The following LRRK2 variants were observed in gnomAD, a reference collection of about 807,000 sequenced individuals.
LRRK2 encodes the protein leucine-rich repeat serine/threonine-protein kinase 2.
In LRRK2, 203 loss-of-function variants were observed where a neutral mutation model predicts 302.6. That is an observed-to-expected ratio of 0.67 (90% CI 0.60 to 0.75). The LOEUF (loss-of-function observed/expected upper bound fraction) is 0.75. Among genes scored for constraint, LRRK2 ranks in the 30% least tolerant of loss-of-function variants. LRRK2 has a pLI of 0.00. For missense variants in LRRK2, 2,830 were observed against 2,951.0 expected, an observed-to-expected ratio of 0.96 and a Z score of 0.95; for synonymous variants, 1,066 against 1,031.9, an observed-to-expected ratio of 1.03 and a Z score of -0.63.
chr12:40,238,899 A>G lies in LRRK2; in HGVS notation c.571+796A>G, dbSNP rs540066970. On this transcript the variant is annotated intron_variant, in intron 5 of 50. Transcript: ENST00000298910. The stretch of plus-strand genomic sequence containing the variant: ...GATTTTAAACAGCTTATAGATAATT[A>G]TAATACACAAGAGTAAACAAAATGG... 2.0e-5 allele frequency among the ~76,000 whole-genome samples: 3 copies of G among 152,334 alleles called. No homozygotes were observed. The East Asian group carries it at 5.8e-4, about 29-fold the overall frequency.
intron 27 of LRRK2, chr12:40,304,869 A>C (rs530576217): frequency 6.6e-6 from 1 of 152,212 alleles, no homozygotes; most frequent in East Asian, 1.9e-4. Context: ...CTTTTAAAGG[A>C]TTATATGAAT....
intron 3 of LRRK2, 50 bp downstream of exon 3, chr12:40,232,433 C>T (rs1941245620): frequency 1.6e-6 from 2 of 1,262,722 alleles, no homozygotes; most frequent in East Asian, 4.6e-5. Context: ...TTTATTTGTA[C>T]ACATGACAAC....
At position 40,351,629 on chromosome 12, in the gene LRRK2, A is replaced by G. The variant is rs779616135; in HGVS notation, c.6472A>G (p.Thr2158Ala). The G allele has an allele frequency of 1.8e-5, 29 of 1,614,226 alleles. No individual in the cohort carries two copies. The highest frequency in any genetic ancestry group is 2.3e-5 in the Non-Finnish European group (27 of 1,180,036). Reference protein sequence around the residue: ...KNVIVECMVATHHNSRNASIW... With the variant: ...KNVIVECMVAAHHNSRNASIW... Reference sequence around the variant, plus strand: ...CGTAATTGTTGAATGCATGGTTGCTACACATCACAACAGCAGGAATGCAAG... The same window carrying G: ...CGTAATTGTTGAATGCATGGTTGCTGCACATCACAACAGCAGGAATGCAAG... The change falls in exon 44 of 51, where the codon ACA (threonine) becomes GCA (alanine). Residue 2158 changes from threonine (T) to alanine (A), a missense_variant. By Grantham distance (58) the Thr-to-Ala change is moderately conservative. This residue lies in a region of LRRK2 where 456 missense variants were observed against 456.3 expected (regional missense o/e 1.00). Coordinates refer to ENST00000298910, the MANE Select transcript of LRRK2 (RefSeq NM_198578.4).
At chr12:40,357,391 C>T (rs1946571693) in intron 46 of LRRK2, among the ~76,000 whole-genome samples, 1 of 152,006 alleles carries the variant, frequency 6.6e-6, no homozygotes, top group African/African-American at 2.4e-5. Context: ...GTGAATAGTG[C>T]TGCGATAAAC....
At chr12:40,331,933 A>C (rs1362231891) in intron 39 of LRRK2, among the ~76,000 whole-genome samples, 1 of 152,174 alleles carries the variant, frequency 6.6e-6, no homozygotes, top group Non-Finnish European at 1.5e-5. Flanking sequence ...CATTGTGATA[A>C]ACTGGTTCCA....
rs200357353 is a variant in LRRK2, at chr12:40,252,985, G to T, written c.1257G>T (p.Ala419=). Residue 419 remains alanine, a synonymous_variant, in exon 11 of 51, where the codon GCG becomes GCT. Coordinates refer to ENST00000298910, the MANE Select transcript of LRRK2 (RefSeq NM_198578.4). ...SSSKEVFQAS[A]NALSTLLEQN... ...CAAAGGAAGTTTTCCAGGCATCTGC[G>T]AATGCATTGTCAACTCTCTTAGAAC... The T allele has an allele frequency of 2.5e-6, 4 of 1,612,840 alleles. No individual in the cohort carries two copies. In the East Asian group the frequency reaches 6.7e-5, roughly 27 times the overall value.
At chr12:40,238,190 A>C (rs1941558876) in intron 5 of LRRK2, 87 bp downstream of exon 5, 8 of 1,346,488 alleles carry the variant, frequency 5.9e-6, no homozygotes, top group Non-Finnish European at 8.2e-6. Context: ...TAATAAGAAG[A>C]AGGTTTCTAA....
chr12:40,358,288 A>G (rs114335196), intron 46 of LRRK2, among the ~76,000 whole-genome samples: 1,778 of 152,120 alleles, frequency 0.012, 36 homozygotes, highest in African/African-American at 0.041. Context: ...TGGGATCTTA[A>G]CCATAAACTC....
At chr12:40,359,844 A>T (rs1946653032) in intron 47 of LRRK2, among the ~76,000 whole-genome samples, 2 of 152,198 alleles carry the variant, frequency 1.3e-5, no homozygotes, top group Admixed American at 1.3e-4. Context: ...GATTGTAGGA[A>T]AGATAGACAG....
In LRRK2 at chr12:40,350,548, T is replaced by C. The variant is rs934376220; in HGVS notation, c.6382-991T>C. 2.0e-5 allele frequency among the ~76,000 whole-genome samples: 3 copies of C among 152,244 alleles called. No homozygotes were observed. The East Asian group carries it at 5.8e-4, about 29-fold the overall frequency. ...TTGTCATGTTTTACACTGATACACA[T>C]TTTAATAAATGTGGGTTATCTTTAT... is the stretch of plus-strand genomic sequence containing the variant. On this transcript the variant is annotated intron_variant, in intron 43 of 50. Transcript: ENST00000298910.
chr12:40,329,738 T>TA (rs1027141799), intron 39 of LRRK2, among the ~76,000 whole-genome samples: 15 of 151,792 alleles, frequency 9.9e-5, no homozygotes, highest in East Asian at 5.8e-4. Context: ...TACCCTGATT[T>TA]AAAAAAAAAT....
At chr12:40,355,054 G>A (rs115941135) in intron 45 of LRRK2, among the ~76,000 whole-genome samples, 1,780 of 152,238 alleles carry the variant, frequency 0.012, 38 homozygotes, top group African/African-American at 0.041. Flanking sequence ...GTTGGTGACT[G>A]TAATATTTGG....
chr12:40,334,434 GA>G (rs567305714), intron 39 of LRRK2, among the ~76,000 whole-genome samples: 4 of 152,158 alleles, frequency 2.6e-5, no homozygotes, highest in Non-Finnish European at 5.9e-5. Flanking sequence ...CTGAACCACT[GA>G]TAGCCCACTG....
In LRRK2 at chr12:40,323,276, G is replaced by A. The variant is rs1945453620; in HGVS notation, c.5626G>A (p.Glu1876Lys). 6.2e-7 allele frequency: 1 copy of A among 1,612,580 alleles called. No homozygotes were observed. The highest frequency in any genetic ancestry group is 1.3e-5 in the African/African-American group (1 of 74,840). Residue 1876 changes from glutamate (E) to lysine (K), a missense_variant, in exon 38 of 51, where the codon GAA (glutamate) becomes AAA (lysine). Physicochemically the swap from Glu to Lys is moderately conservative, Grantham distance 56. Transcript: ENST00000298910. The part of the protein sequence containing the change: ...RNIMLNNDEL[E>K]FEQAPEFLLG... Reference sequence around the variant, plus strand: ...TATTATGTTGAATAATGATGAGTTGGAATTTGAACAAGCTCCAGAGTTTCT... The same window carrying A: ...TATTATGTTGAATAATGATGAGTTGAAATTTGAACAAGCTCCAGAGTTTCT...
intron 4 of LRRK2, among the ~76,000 whole-genome samples, chr12:40,236,397 A>C (rs1941468296): frequency 6.6e-6 from 1 of 152,210 alleles, no homozygotes; most frequent in Non-Finnish European, 1.5e-5. Context: ...CTGATTCTCC[A>C]TGTCAGGTTC....
chr12:40,354,239 A>G, intron 44 of LRRK2, 60 bp from the exon 45 acceptor site: 1 of 1,395,436 alleles, frequency 7.2e-7, no homozygotes, highest in South Asian at 1.2e-5. Context: ...TATTCTGTAC[A>G]AGTTCTAGTT....
At chr12:40,361,892 A>G (rs1946719575) in intron 47 of LRRK2, among the ~76,000 whole-genome samples, 1 of 152,136 alleles carries the variant, frequency 6.6e-6, no homozygotes, top group South Asian at 2.1e-4. Context: ...CATGTTGGGT[A>G]ATGAAAGATG....
chr12:40,293,455 T>C, intron 20 of LRRK2, 90 bp from the exon 21 acceptor site: 1 of 798,596 alleles, frequency 1.3e-6, no homozygotes, highest in Non-Finnish European at 2.1e-6. Context: ...ATAGGTCTAA[T>C]CTTCCATGAT....
intron 7 of LRRK2, among the ~76,000 whole-genome samples, chr12:40,247,924 A>T (rs1360188643): frequency 6.6e-6 from 1 of 151,736 alleles, no homozygotes; most frequent in Non-Finnish European, 1.5e-5. Context: ...TTTGTGTTTT[A>T]TTCAAGATTA....
Sources: allele counts gnomAD v4.1 joint callset (sites outside exome capture counted in the v4.1 genomes callset), GRCh38; gene constraint gnomAD v4.1.1; regional missense constraint gnomAD v4.1.1; transcripts MANE v1.5; gene names NCBI Gene and HGNC (gene_info 2026-07-23, HGNC 2026-07-21).